Variants in PIAS1 observed in about 807,000 individuals in gnomAD.
PIAS1 encodes E3 SUMO-protein ligase PIAS1.
Under a neutral mutation model 71.3 loss-of-function variants are expected in PIAS1, and 6 were observed. The observed-to-expected ratio is 0.08, with a 90% confidence interval of 0.05 to 0.17. The LOEUF is 0.17. Among genes scored for constraint, PIAS1 ranks in the 10% least tolerant of loss-of-function variants. PIAS1 has a pLI of 1.00. For synonymous variants in PIAS1, 303 were observed against 292.9 expected (o/e 1.03, Z -0.35); for missense variants, 555 against 793.6 (o/e 0.70, Z 3.61).
intron 2 of PIAS1, among the ~76,000 whole-genome samples, chr15:68,116,426 G>A (rs2092565436): frequency 6.6e-6 from 1 of 152,040 alleles, no homozygotes; most frequent in Non-Finnish European, 1.5e-5. Context: ...AATATGTAGT[G>A]ATATAACCTC....
chr15:68,179,232 C>T (rs1487426510), intron 11 of PIAS1, among the ~76,000 whole-genome samples: 1 of 152,180 alleles, frequency 6.6e-6, no homozygotes, highest in Non-Finnish European at 1.5e-5. Flanking sequence ...GAATTAGAGG[C>T]AAACACTAAA....
intron 2 of PIAS1, among the ~76,000 whole-genome samples, chr15:68,099,524 T>C (rs1051937871): frequency 6.6e-5 from 10 of 152,046 alleles, no homozygotes; most frequent in Admixed American, 4.6e-4. Flanking sequence ...TTAAGAGCAT[T>C]TTGGTTGTTT....
intron 2 of PIAS1, among the ~76,000 whole-genome samples, chr15:68,089,329 A>C (rs535227274): frequency 3.3e-5 from 5 of 152,354 alleles, no homozygotes; most frequent in African/African-American, 1.2e-4. Flanking sequence ...AACTGTAAGA[A>C]TTGAGAGGTG....
At position 68,187,960 on chromosome 15, in the gene PIAS1, T is replaced by G; in HGVS notation, c.*125T>G. 1 of 816,664 alleles carries G rather than the reference T, an allele frequency of 1.2e-6. No homozygotes were observed. Among genetic ancestry groups the G allele is most frequent in the Middle Eastern group, 3.8e-4 (1 of 2,634 alleles). 50.6% of individuals were successfully genotyped at this position (816,664 alleles called of 1,614,324 possible). On this transcript the variant is annotated 3_prime_UTR_variant, in exon 14 of 14. Transcript: ENST00000249636. This position sits in a 1 kb window ranked among gnomAD's most constrained non-coding sequence, Gnocchi z 5.3. ...GTATACAAGCGTGTTTTTTTTCCTT[T>G]TTTTAGGGAAAAAATTAAAAGAAAT... is the stretch of plus-strand genomic sequence containing the variant.
At chr15:68,137,899 T>C (rs1312494218) in intron 2 of PIAS1, among the ~76,000 whole-genome samples, 1 of 152,132 alleles carries the variant, frequency 6.6e-6, no homozygotes, top group Admixed American at 6.5e-5. Flanking sequence ...TCCCAGGACT[T>C]TGGGAGGCCA....
At chr15:68,127,738 CT>C in intron 2 of PIAS1, among the ~76,000 whole-genome samples, 1 of 151,904 alleles carries the variant, frequency 6.6e-6, no homozygotes, top group East Asian at 1.9e-4. Context: ...CACTTTTTTC[CT>C]TTTGTTTTCA....
At chr15:68,112,097 C>T (rs1026136433) in intron 2 of PIAS1, among the ~76,000 whole-genome samples, 13 of 152,152 alleles carry the variant, frequency 8.5e-5, no homozygotes, top group African/African-American at 3.1e-4. Flanking sequence ...CCAATATATA[C>T]CTTATGCCCA....
chr15:68,183,226 A>G (rs781332125), intron 12 of PIAS1, among the ~76,000 whole-genome samples: 7 of 152,228 alleles, frequency 4.6e-5, no homozygotes, highest in Non-Finnish European at 7.3e-5. Context: ...TTCAACTTCA[A>G]ACTTTCTCAC....
chr15:68,080,703 G>A (rs1460255666), intron 1 of PIAS1, among the ~76,000 whole-genome samples: 1 of 152,212 alleles, frequency 6.6e-6, no homozygotes, highest in African/African-American at 2.4e-5. Context: ...AAGCTTTAAT[G>A]TGTGCAGTTA....
chr15:68,074,776 A>T (rs2140969509), intron 1 of PIAS1, among the ~76,000 whole-genome samples: 1 of 152,090 alleles, frequency 6.6e-6, no homozygotes, highest in African/African-American at 2.4e-5. Flanking sequence ...GTAGATAGAT[A>T]AACTTTGTTT....
chr15:68,099,130 TTTGTTG>T (rs368373360), intron 2 of PIAS1, among the ~76,000 whole-genome samples: 10 of 151,972 alleles, frequency 6.6e-5, no homozygotes, highest in South Asian at 6.2e-4. Flanking sequence ...GAGGGTGAAG[TTTGTTG>T]TTGTTGTTGT....
chr15:68,167,945 G>T lies in PIAS1; in HGVS notation c.1008+3141G>T, dbSNP rs938676109. Among the ~76,000 whole-genome samples, 1 of 152,024 alleles carries T rather than the reference G, an allele frequency of 6.6e-6. No individual in the cohort carries two copies. The highest frequency in any genetic ancestry group is 1.5e-5 in the Non-Finnish European group (1 of 67,996). On this transcript the variant is annotated intron_variant, in intron 8 of 13. Transcript: ENST00000249636. This position sits in a 1 kb window ranked among gnomAD's most constrained non-coding sequence, Gnocchi z 4.4. ...TGGTCTCAAACTCCTGACCTCAGGT[G>T]ATCTGCTTGCCTTAGCTTCCCAAAA... is the stretch of plus-strand genomic sequence containing the variant.
chr15:68,094,199 G>GT (rs1482691524), intron 2 of PIAS1, among the ~76,000 whole-genome samples: 1 of 151,336 alleles, frequency 6.6e-6, no homozygotes, highest in African/African-American at 2.4e-5. Flanking sequence ...ACATGGGATA[G>GT]TATACCAATA....
chr15:68,073,753 T>C (rs930760059), intron 1 of PIAS1, among the ~76,000 whole-genome samples: 7 of 152,152 alleles, frequency 4.6e-5, no homozygotes, highest in African/African-American at 7.2e-5. Context: ...ATGGGGCCTC[T>C]GAGTGCAGTA....
chr15:68,128,666 C>G (rs2092669307), intron 2 of PIAS1, among the ~76,000 whole-genome samples: 1 of 151,968 alleles, frequency 6.6e-6, no homozygotes, highest in African/African-American at 2.4e-5. Flanking sequence ...TTAAAACATT[C>G]CAGATTCTGC....
intron 2 of PIAS1, among the ~76,000 whole-genome samples, chr15:68,138,703 G>T (rs2092750201): frequency 6.6e-6 from 1 of 152,120 alleles, no homozygotes; most frequent in South Asian, 2.1e-4. Flanking sequence ...TTGAACTCCT[G>T]ACCTCAGATG....
At chr15:68,062,866 T>G (rs1260561729) in intron 1 of PIAS1, among the ~76,000 whole-genome samples, 1 of 152,218 alleles carries the variant, frequency 6.6e-6, no homozygotes, top group Non-Finnish European at 1.5e-5. Context: ...ATAGTGAAGA[T>G]CTTTCCATGA....
chr15:68,138,999 T>C (rs1827283082), intron 2 of PIAS1, among the ~76,000 whole-genome samples: 1 of 152,248 alleles, frequency 6.6e-6, no homozygotes, highest in Non-Finnish European at 1.5e-5. Context: ...CGGCCTCATA[T>C]ATTTTGACTC....
chr15:68,104,486 T>C (rs892656166), intron 2 of PIAS1, among the ~76,000 whole-genome samples: 4 of 152,210 alleles, frequency 2.6e-5, no homozygotes, highest in Admixed American at 6.5e-5. Context: ...TCCTCTTCAC[T>C]AATTTATTCT....
Sources: allele counts gnomAD v4.1 joint callset (sites outside exome capture counted in the v4.1 genomes callset), GRCh38; gene constraint gnomAD v4.1.1; non-coding constraint Gnocchi (gnomAD v3.1); transcripts MANE v1.5; gene names NCBI Gene and HGNC (gene_info 2026-07-23, HGNC 2026-07-21).